The following LIMCH1 variants were observed in gnomAD, a reference collection of about 807,000 sequenced individuals.
The protein encoded by LIMCH1 is LIM and calponin homology domains-containing protein 1.
A neutral mutation model predicts 176.5 loss-of-function variants in LIMCH1; 113 were observed. The observed-to-expected ratio is 0.64, with a 90% CI of 0.55 to 0.75. The LOEUF (loss-of-function observed/expected upper bound fraction) is 0.75. LIMCH1 is among the 30% of genes least tolerant of loss of function. LIMCH1 has a pLI of 0.00. For missense variants in LIMCH1, 1,674 were observed against 1,814.9 expected, an observed-to-expected ratio of 0.92 and a Z score of 1.41; for synonymous variants, 619 against 645.9, an observed-to-expected ratio of 0.96 and a Z score of 0.63.
chr4:41,659,104 C>T (rs1200559311), intron 18 of LIMCH1, among the ~76,000 whole-genome samples: 1 of 152,100 alleles, frequency 6.6e-6, no homozygotes, highest in Non-Finnish European at 1.5e-5. Flanking sequence ...ATCCTACTAC[C>T]ATGTTGGAGG....
chr4:41,451,449 A>C (rs763885235), intron 1 of LIMCH1, among the ~76,000 whole-genome samples: 18 of 152,124 alleles, frequency 1.2e-4, no homozygotes, highest in Non-Finnish European at 2.2e-4. Context: ...ATTTTAAAAC[A>C]CTTTTATTTT....
chr4:41,635,949 C>T (rs2093567270), intron 13 of LIMCH1, among the ~76,000 whole-genome samples: 1 of 152,184 alleles, frequency 6.6e-6, no homozygotes, highest in Admixed American at 6.5e-5. Flanking sequence ...CAGGATCTCA[C>T]TCCATCACCC....
At chr4:41,611,656 A>C (rs1265364295) in intron 4 of LIMCH1, among the ~76,000 whole-genome samples, 1 of 152,230 alleles carries the variant, frequency 6.6e-6, no homozygotes, top group Non-Finnish European at 1.5e-5. Flanking sequence ...CTTCTGTAAA[A>C]TAGGGATAAT....
intron 7 of LIMCH1, among the ~76,000 whole-genome samples, chr4:41,625,343 A>G (rs2092875914): frequency 1.3e-5 from 2 of 151,638 alleles, no homozygotes; most frequent in Admixed American, 6.6e-5. Flanking sequence ...TCCTTCAAAG[A>G]AAAAAAAAGC....
At chr4:41,516,194 G>A (rs1346712984) in intron 2 of LIMCH1, among the ~76,000 whole-genome samples, 1 of 152,126 alleles carries the variant, frequency 6.6e-6, no homozygotes, top group Admixed American at 6.5e-5. Flanking sequence ...GGGTGATTGG[G>A]CTTGATTACC....
chr4:41,458,072 G>C (rs2064829570), intron 1 of LIMCH1, among the ~76,000 whole-genome samples: 1 of 152,156 alleles, frequency 6.6e-6, no homozygotes, highest in Non-Finnish European at 1.5e-5. Context: ...AAATGCTTGA[G>C]ATGATGGACC....
At chr4:41,390,184 A>G (rs2057039538) in intron 1 of LIMCH1, among the ~76,000 whole-genome samples, 1 of 150,758 alleles carries the variant, frequency 6.6e-6, no homozygotes, top group Non-Finnish European at 1.5e-5. Context: ...CTACTTTCTG[A>G]AGCTTGGGTG....
At chr4:41,389,211 C>T (rs981476488) in intron 1 of LIMCH1, 15 of 152,382 alleles carry the variant, frequency 9.8e-5, no homozygotes, top group African/African-American at 3.4e-4. Flanking sequence ...CCTCTAAGAT[C>T]AGCCCCCTGG....
intron 1 of LIMCH1, chr4:41,385,996 G>A (rs904163309): frequency 6.6e-6 from 1 of 152,340 alleles, no homozygotes; most frequent in African/African-American, 2.4e-5. Context: ...CACTGAAGGA[G>A]TGCTACTAGG....
chr4:41,671,157 CTGTT>C (rs760817203), intron 21 of LIMCH1: 1 of 255,034 alleles, frequency 3.9e-6, no homozygotes, highest in Non-Finnish European at 6.2e-6. Context: ...CATCTGGCCT[CTGTT>C]TGTATGGTAC....
At chr4:41,660,178 C>T (rs2094572913) in intron 18 of LIMCH1, among the ~76,000 whole-genome samples, 1 of 152,090 alleles carries the variant, frequency 6.6e-6, no homozygotes. Flanking sequence ...AGTATTTTCA[C>T]GTATCATTAA....
At chr4:41,524,178 T>C (rs1426261378) in intron 2 of LIMCH1, among the ~76,000 whole-genome samples, 2 of 152,238 alleles carry the variant, frequency 1.3e-5, no homozygotes, top group African/African-American at 2.4e-5. Context: ...CTACCTTTTC[T>C]CATCTCTCAA....
chr4:41,492,021 A>G (rs1250320298), intron 1 of LIMCH1, among the ~76,000 whole-genome samples: 1 of 152,188 alleles, frequency 6.6e-6, no homozygotes, highest in African/African-American at 2.4e-5. Flanking sequence ...CAGAGGCTGT[A>G]ATCTTAGCAC....
At position 41,404,852 on chromosome 4, in the gene LIMCH1, T is replaced by C. The variant is rs144694490; in HGVS notation, c.96+43916T>C. On this transcript the variant is annotated intron_variant, in intron 1 of 26. Coordinates refer to the LIMCH1 transcript ENST00000313860. Reference sequence around the variant, plus strand: ...GGACCCAATATGTGATTCCAGGGCATGTTAGTTCATTCTCTTCTTCATTCT... The same window carrying C: ...GGACCCAATATGTGATTCCAGGGCACGTTAGTTCATTCTCTTCTTCATTCT... Among the ~76,000 whole-genome samples the C allele has an allele frequency of 4.6e-5, 7 of 152,276 alleles. No individual in the cohort carries two copies. In the East Asian group the frequency reaches 1.4e-3, roughly 29 times the overall value.
intron 1 of LIMCH1, among the ~76,000 whole-genome samples, chr4:41,377,220 G>A (rs571662907): frequency 3.3e-5 from 5 of 152,294 alleles, no homozygotes; most frequent in Admixed American, 3.3e-4. Context: ...TGTGGGTTAC[G>A]TTCAAGTCTG....
At chr4:41,646,992 C>G (rs2094091013) in intron 17 of LIMCH1, 99 bp downstream of exon 17, 2 of 1,169,918 alleles carry the variant, frequency 1.7e-6, no homozygotes, top group Non-Finnish European at 2.4e-6. Flanking sequence ...TTTTACCATA[C>G]AAAAGAAAAA....
At chr4:41,526,918 G>A (rs1268966493) in intron 3 of LIMCH1, among the ~76,000 whole-genome samples, 1 of 152,116 alleles carries the variant, frequency 6.6e-6, no homozygotes, top group Non-Finnish European at 1.5e-5. Context: ...CTCTTGCCTG[G>A]ACTATAATAG....
chr4:41,487,757 C>G (rs543665708), intron 1 of LIMCH1, among the ~76,000 whole-genome samples: 1 of 144,932 alleles, frequency 6.9e-6, no homozygotes, highest in African/African-American at 2.6e-5. Flanking sequence ...CTCCTGGGTT[C>G]ACGCCATTCT....
At position 41,666,666 on chromosome 4, in the gene LIMCH1, G is replaced by A; in HGVS notation, c.3397G>A (p.Val1133Met). 6.3e-7 allele frequency: 1 copy of A among 1,595,080 alleles called. No homozygotes were observed. Among genetic ancestry groups the A allele is most frequent in the Non-Finnish European group, 8.6e-7 (1 of 1,162,854 alleles). Reference protein sequence around the residue: ...QLHLPNLNSQVDSPSSEKSPV... With the variant: ...QLHLPNLNSQMDSPSSEKSPV... The stretch of plus-strand genomic sequence containing the variant: ...ACATTTGCCAAATCTCAATTCTCAA[G>A]GTAAAGAGGACATGTTTTATTTTAG... Residue 1133 changes from valine to methionine, a missense_variant and splice_region_variant, in exon 21 of 32, where the codon GTG becomes ATG. Transcript: ENST00000503057.
Sources: allele counts gnomAD v4.1 joint callset (sites outside exome capture counted in the v4.1 genomes callset), GRCh38; gene constraint gnomAD v4.1.1; transcripts MANE v1.5; gene names NCBI Gene and HGNC (gene_info 2026-07-23, HGNC 2026-07-21).